Variants in PINX1 observed in about 807,000 individuals in gnomAD.
PINX1 encodes the protein PIN2/TERF1-interacting telomerase inhibitor 1.
PINX1 carries 34 observed loss-of-function variants against 25.4 expected under a neutral mutation model. The observed-to-expected ratio is 1.34, with a 90% CI of 1.02 to 1.78. The LOEUF is 1.78. Among genes scored for constraint, PINX1 ranks in the 40% most tolerant of loss-of-function variants. PINX1 has a pLI of 0.00. For missense variants in PINX1, 592 were observed against 404.9 expected (o/e 1.46, Z -3.97); for synonymous variants, 197 against 147.7 (o/e 1.33, Z -2.42).
chr8:10,784,818 G>C (rs536546044), intron 6 of PINX1, among the ~76,000 whole-genome samples: 1 of 152,316 alleles, frequency 6.6e-6, no homozygotes, highest in African/African-American at 2.4e-5. Context: ...TTTGCTTAAA[G>C]CAAGCCTTTT....
At chr8:10,791,498 A>G (rs1186038121) in intron 6 of PINX1, among the ~76,000 whole-genome samples, 1 of 152,212 alleles carries the variant, frequency 6.6e-6, no homozygotes, top group Non-Finnish European at 1.5e-5. Flanking sequence ...CGGACCACCA[A>G]CAATCCACTT....
intron 6 of PINX1, among the ~76,000 whole-genome samples, chr8:10,817,939 A>T (rs78705206): frequency 9.0e-4 from 110 of 122,600 alleles, no homozygotes; most frequent in African/African-American, 2.9e-3. Flanking sequence ...TTAAAAAAAA[A>T]TTTTTTTTAA....
At chr8:10,839,627 A>C in intron 1 of PINX1, 111 bp downstream of exon 1, 2 of 1,129,100 alleles carry the variant, frequency 1.8e-6, no homozygotes, top group Non-Finnish European at 2.6e-6. Context: ...CCCCGATCCC[A>C]TGCGCCAGGC....
chr8:10,797,277 G>A (rs1311893023), intron 6 of PINX1, among the ~76,000 whole-genome samples: 1 of 152,170 alleles, frequency 6.6e-6, no homozygotes, highest in Non-Finnish European at 1.5e-5. Flanking sequence ...AGGAAACAGT[G>A]TTTCAACCGC....
chr8:10,807,177 T>TA (rs1802477702), intron 6 of PINX1, among the ~76,000 whole-genome samples: 1 of 152,068 alleles, frequency 6.6e-6, no homozygotes, highest in Non-Finnish European at 1.5e-5. Flanking sequence ...CCAAGGAACA[T>TA]ACGGTTGTAT....
At chr8:10,810,890 C>A (rs757902129) in intron 6 of PINX1, among the ~76,000 whole-genome samples, 1 of 152,222 alleles carries the variant, frequency 6.6e-6, no homozygotes, top group Non-Finnish European at 1.5e-5. Context: ...TTGAGAAGGA[C>A]GTGCTTCTCA....
chr8:10,832,960 C>A lies in PINX1; in HGVS notation c.154G>T (p.Ala52Ser), dbSNP rs1798269023. The A allele has an allele frequency of 6.2e-7, 1 of 1,610,184 alleles. No individual in the cohort carries two copies. Among genetic ancestry groups the A allele is most frequent in the Non-Finnish European group, 8.5e-7 (1 of 1,177,796 alleles). ...GKGLGAQEQG[A>S]TDHIKVQVKN... is the part of the protein sequence containing the mutation. ...ACTTGAACTTTAATATGATCTGTGGCTCCTTGCTCCTGAGCCCCTAAACCC... is the reference window on the plus strand; with the variant it reads ...ACTTGAACTTTAATATGATCTGTGGATCCTTGCTCCTGAGCCCCTAAACCC... The change falls in exon 3 of 7, where the codon GCC becomes TCC. Residue 52 changes from alanine to serine, a missense_variant. Transcript: ENST00000314787.
At chr8:10,811,552 T>C (rs1797521828) in intron 6 of PINX1, among the ~76,000 whole-genome samples, 1 of 152,200 alleles carries the variant, frequency 6.6e-6, no homozygotes, top group Non-Finnish European at 1.5e-5. Context: ...TTCTGTGGGT[T>C]AGCAATTCGA....
chr8:10,788,515 A>C (rs1801822731), intron 6 of PINX1, among the ~76,000 whole-genome samples: 1 of 152,182 alleles, frequency 6.6e-6, no homozygotes, highest in African/African-American at 2.4e-5. Flanking sequence ...CAGTGAGCCA[A>C]GATCGTGCCA....
chr8:10,790,204 G>A (rs1265395616), intron 6 of PINX1, among the ~76,000 whole-genome samples: 3 of 152,094 alleles, frequency 2.0e-5, no homozygotes, highest in Admixed American at 2.0e-4. Context: ...GTCTGTAAGC[G>A]ATCTAACGGG....
intron 6 of PINX1, among the ~76,000 whole-genome samples, chr8:10,771,918 T>C (rs1373530924): frequency 4.6e-5 from 7 of 152,244 alleles, no homozygotes. Flanking sequence ...AGTTCCTTCC[T>C]GGCCCTTAGC....
At chr8:10,767,384 G>A (rs569225725) in intron 6 of PINX1, among the ~76,000 whole-genome samples, 2 of 152,048 alleles carry the variant, frequency 1.3e-5, no homozygotes, top group East Asian at 3.9e-4. Flanking sequence ...AAGTGCCTCA[G>A]ACAGCTTTCA....
intron 6 of PINX1, among the ~76,000 whole-genome samples, 181 bp downstream of exon 6, chr8:10,820,012 T>C (rs1228247944): frequency 6.6e-5 from 10 of 152,172 alleles, no homozygotes; most frequent in African/African-American, 2.4e-4. Flanking sequence ...AGATTCCTTA[T>C]AAAACATTAT....
chr8:10,813,686 G>T (rs142337661), intron 6 of PINX1, among the ~76,000 whole-genome samples: 84 of 152,266 alleles, frequency 5.5e-4, no homozygotes, highest in African/African-American at 1.9e-3. Flanking sequence ...TCTCATGAGG[G>T]TTCTAATTCA....
chr8:10,826,957 G>T (rs1270722960), intron 4 of PINX1, among the ~76,000 whole-genome samples: 1 of 152,160 alleles, frequency 6.6e-6, no homozygotes, highest in African/African-American at 2.4e-5. Flanking sequence ...TGATAAAATT[G>T]CACAGAACCA....
chr8:10,795,080 G>C (rs1247852410), intron 6 of PINX1, among the ~76,000 whole-genome samples: 1 of 152,164 alleles, frequency 6.6e-6, no homozygotes, highest in East Asian at 1.9e-4. Context: ...AGAATCAGAA[G>C]ACAAAATCCA....
chr8:10,828,517 C>G (rs1798125160), intron 4 of PINX1, among the ~76,000 whole-genome samples: 1 of 152,142 alleles, frequency 6.6e-6, no homozygotes, highest in Non-Finnish European at 1.5e-5. Flanking sequence ...GGACCGAAGC[C>G]CAGGCAGACA....
At chr8:10,827,340 C>T (rs1296630289) in intron 4 of PINX1, among the ~76,000 whole-genome samples, 1 of 152,132 alleles carries the variant, frequency 6.6e-6, no homozygotes, top group Non-Finnish European at 1.5e-5. Flanking sequence ...GCAAAAGGAG[C>T]AGGAACACAC....
chr8:10,791,040 G>A (rs1412409795), intron 6 of PINX1, among the ~76,000 whole-genome samples: 2 of 152,058 alleles, frequency 1.3e-5, no homozygotes, highest in African/African-American at 2.4e-5. Flanking sequence ...AGCCTCCCGA[G>A]TAACTGGGAT....
Sources: allele counts gnomAD v4.1 joint callset (sites outside exome capture counted in the v4.1 genomes callset), GRCh38; gene constraint gnomAD v4.1.1; transcripts MANE v1.5; gene names NCBI Gene and HGNC (gene_info 2026-07-23, HGNC 2026-07-21).